CYB5R4: variants seen among roughly 807,000 people sequenced by gnomAD.
CYB5R4 encodes cytochrome b5 reductase 4.
Under a neutral mutation model 70.2 loss-of-function variants are expected in CYB5R4, and 55 were observed. The observed-to-expected ratio is 0.78, with a 90% CI of 0.63 to 0.98. CYB5R4 has a LOEUF of 0.98. CYB5R4 is among the 50% of genes least tolerant of loss of function. The pLI is 0.00. For synonymous variants in CYB5R4, 197 were observed against 199.5 expected (o/e 0.99, Z 0.11); for missense variants, 562 against 612.6 (o/e 0.92, Z 0.87).
intron 1 of CYB5R4, 78 bp from the exon 2 acceptor site, chr6:83,864,097 G>T: frequency 7.7e-7 from 1 of 1,292,906 alleles, no homozygotes. Flanking sequence ...AGAAGTGTTA[G>T]ATTTGAGTTT....
chr6:83,936,138 A>T (rs1190851876), intron 11 of CYB5R4, 86 bp from the exon 12 acceptor site: 37 of 903,136 alleles, frequency 4.1e-5, no homozygotes, highest in Non-Finnish European at 5.6e-5. Flanking sequence ...ATATATACTG[A>T]TAGTGTCAAA....
intron 2 of CYB5R4, among the ~76,000 whole-genome samples, chr6:83,889,475 C>A (rs61762799): frequency 4.2e-4 from 64 of 152,278 alleles, no homozygotes; most frequent in African/African-American, 1.4e-3. Context: ...AATGGGACAA[C>A]AAAGCTTGGA....
chr6:83,891,171 TC>T lies in CYB5R4; in HGVS notation c.230-2349del, dbSNP rs747737241. ...TATGTTGCCCAGACTGGTCTTGAAC[TC>T]CTAGCATGAAGCAATCCTCCTGCCT... On this transcript the variant is annotated intron_variant, in intron 2 of 15. Coordinates refer to ENST00000369681, the MANE Select transcript of CYB5R4 (RefSeq NM_016230.4). Among the ~76,000 whole-genome samples, 253 of 152,242 alleles carry T rather than the reference TC, an allele frequency of 1.7e-3. 1 individual carries two copies. The highest frequency in any genetic ancestry group is 2.2e-3 in the Non-Finnish European group (152 of 68,026).
chr6:83,885,817 A>C (rs1042063789), intron 2 of CYB5R4, among the ~76,000 whole-genome samples: 16 of 152,144 alleles, frequency 1.1e-4, no homozygotes, highest in African/African-American at 3.9e-4. Flanking sequence ...AAGAATGGAA[A>C]ACAGTCTGGC....
chr6:83,874,347 T>C (rs960261714), intron 2 of CYB5R4, among the ~76,000 whole-genome samples: 5 of 150,304 alleles, frequency 3.3e-5, no homozygotes, highest in African/African-American at 1.2e-4. Flanking sequence ...TGCACCAACA[T>C]ACCTGGCTAC....
intron 14 of CYB5R4, among the ~76,000 whole-genome samples, chr6:83,952,485 T>C (rs978814790): frequency 2.0e-5 from 3 of 152,134 alleles, no homozygotes; most frequent in Non-Finnish European, 4.4e-5. Context: ...TTAGCATTTC[T>C]TGGAGCGGGA....
chr6:83,902,099 C>T (rs1162953604), intron 3 of CYB5R4, among the ~76,000 whole-genome samples: 1 of 151,986 alleles, frequency 6.6e-6, no homozygotes, highest in African/African-American at 2.4e-5. Context: ...TTGCTTAGAC[C>T]AATGTCATGA....
intron 2 of CYB5R4, among the ~76,000 whole-genome samples, chr6:83,892,826 TTCTCTCTCTCTCTTCCTCTC>T (rs1250423415): frequency 6.6e-6 from 1 of 151,416 alleles, no homozygotes; most frequent in Non-Finnish European, 1.5e-5. Context: ...AGTAGTCACT[TTCTCTCTCTCTCTTCCTCTC>T]TCTCTCTCTC....
At chr6:83,904,008 C>T (rs1161396187) in intron 3 of CYB5R4, among the ~76,000 whole-genome samples, 1 of 151,520 alleles carries the variant, frequency 6.6e-6, no homozygotes, top group Non-Finnish European at 1.5e-5. Context: ...TTTATTGATC[C>T]TTTGTATCTT....
rs13194584 is a variant in CYB5R4, at chr6:83,924,524, A to G, written c.746A>G (p.Asn249Ser). ...KIEIVLQKKE[N>S]TSWDFLGHPL... Reference sequence around the variant, plus strand: ...GAGATTGTTCTACAAAAAAAAGAGAATACTTCTTGGGACTTTCTTGGCCAT... The same window carrying G: ...GAGATTGTTCTACAAAAAAAAGAGAGTACTTCTTGGGACTTTCTTGGCCAT... Residue 249 changes from asparagine (N) to serine (S), a missense_variant, in exon 10 of 16, where the codon AAT (asparagine) becomes AGT (serine). Physicochemically the swap from Asn to Ser is conservative, Grantham distance 46. Coordinates refer to ENST00000369681, the MANE Select transcript of CYB5R4 (RefSeq NM_016230.4). The G allele has an allele frequency of 1.7e-5, 28 of 1,613,520 alleles. No homozygotes were observed. Among genetic ancestry groups the G allele is most frequent in the Non-Finnish European group, 2.3e-5 (27 of 1,179,668 alleles).
At chr6:83,871,972 T>G (rs1344747323) in intron 2 of CYB5R4, among the ~76,000 whole-genome samples, 2 of 152,332 alleles carry the variant, frequency 1.3e-5, no homozygotes, top group African/African-American at 4.8e-5. Flanking sequence ...TCTTTTCTGT[T>G]ACATTGTTTG....
At chr6:83,906,379 G>A (rs542685004) in intron 3 of CYB5R4, among the ~76,000 whole-genome samples, 89 of 152,236 alleles carry the variant, frequency 5.8e-4, no homozygotes, top group Non-Finnish European at 1.0e-3. Context: ...TGAAATGATC[G>A]TTTACTGTAG....
intron 14 of CYB5R4, among the ~76,000 whole-genome samples, chr6:83,945,934 G>A (rs1458296058): frequency 6.6e-6 from 1 of 152,040 alleles, no homozygotes; most frequent in Non-Finnish European, 1.5e-5. Flanking sequence ...GTAATTAATA[G>A]CCTACCAAAC....
At chr6:83,893,836 G>C (rs1437230388) in intron 3 of CYB5R4, among the ~76,000 whole-genome samples, 4 of 152,164 alleles carry the variant, frequency 2.6e-5, no homozygotes, top group African/African-American at 9.7e-5. Flanking sequence ...TCTGCGACTA[G>C]GGGTCTTCTT....
chr6:83,909,176 C>T, intron 4 of CYB5R4, 86 bp downstream of exon 4: 1 of 1,062,042 alleles, frequency 9.4e-7, no homozygotes. Flanking sequence ...TAGGTCTATA[C>T]AAATCACTAT....
At chr6:83,928,406 C>CA (rs1398849001) in intron 10 of CYB5R4, among the ~76,000 whole-genome samples, 1 of 151,964 alleles carries the variant, frequency 6.6e-6, no homozygotes, top group Non-Finnish European at 1.5e-5. Context: ...GTGGTGGCCC[C>CA]AAGTGAATAG....
rs972013886 is a variant in CYB5R4 at position 83,940,671 on chromosome 6, C to T, written c.1346+70C>T. ...GTAGTAAGTCTATGCCTTATCTTCT[C>T]TGGTTGAAGCTTTGATTGTCCAGGA... is the stretch of plus-strand genomic sequence containing the variant. On this transcript the variant is annotated intron_variant, in intron 14 of 15. Transcript: ENST00000369681. The T allele has an allele frequency of 2.5e-5, 37 of 1,484,598 alleles. No individual in the cohort carries two copies. The South Asian group carries it at 4.4e-4, about 18-fold the overall frequency. The allele number at this position is 1,484,598 out of a possible 1,614,324, so 92.0% of individuals were successfully genotyped here.
rs141730159 is a variant in CYB5R4, at chr6:83,965,569, C to G, written c.*5691C>G. 0.054 allele frequency: 8,170 copies of G among 152,098 alleles called. 725 individuals carry two copies. Among genetic ancestry groups the G allele is most frequent in the African/African-American group, 0.19 (7,719 of 41,424 alleles). 9.4% of individuals were successfully genotyped at this position (152,098 alleles called of 1,614,324 possible). A position where few individuals can be genotyped will look rare whatever the true frequency, so the allele number is the denominator to read the frequency against. ...CAGGCTCATAAGTGGAAGGGACTTG[C>G]CTTGTCTCAGATGAGACTTTTGAAC... On this transcript the variant is annotated 3_prime_UTR_variant, in exon 16 of 16. Transcript: ENST00000369681.
intron 6 of CYB5R4, among the ~76,000 whole-genome samples, chr6:83,918,749 G>GT (rs1221712592): frequency 2.0e-5 from 3 of 151,936 alleles, no homozygotes; most frequent in South Asian, 2.1e-4. Context: ...GTTCTCTGTA[G>GT]TTTTTTCTTT....
Sources: gnomAD v4.1 joint callset for allele counts (sites outside exome capture counted in the v4.1 genomes callset) on GRCh38, gnomAD v4.1.1 for gene constraint, MANE v1.5 for transcripts, NCBI Gene and HGNC (gene_info 2026-07-23, HGNC 2026-07-21) for gene names.